PATJ: variants seen among roughly 807,000 people sequenced by gnomAD.
The protein encoded by PATJ is inaD-like protein.
Under a neutral mutation model 224.9 loss-of-function variants are expected in PATJ, and 190 were observed. The ratio of observed to expected loss-of-function variants is 0.84; its 90% CI spans 0.75 to 0.95. The LOEUF (loss-of-function observed/expected upper bound fraction) is 0.95, where lower values mean the gene tolerates loss of function less well. Ranked by LOEUF, PATJ falls within the 40% of genes least tolerant of loss-of-function variation. The probability of loss-of-function intolerance (pLI) is 0.00; values close to 1 mark genes in which losing one functional copy is unlikely to be tolerated. For missense variants in PATJ, 2,121 were observed against 2,270.3 expected, an observed-to-expected ratio of 0.93 and a Z score of 1.34; for synonymous variants, 769 against 820.3, an observed-to-expected ratio of 0.94 and a Z score of 1.07.
intron 27 of PATJ, among the ~76,000 whole-genome samples, chr1:61,960,917 A>G (rs945359300): frequency 1.3e-5 from 2 of 152,178 alleles, no homozygotes; most frequent in African/African-American, 4.8e-5. Context: ...TTAAAGATGG[A>G]AGGATTGGTA....
chr1:61,858,808 G>A (rs922203782), intron 18 of PATJ, among the ~76,000 whole-genome samples: 1 of 152,122 alleles, frequency 6.6e-6, no homozygotes, highest in Non-Finnish European at 1.5e-5. Flanking sequence ...ACCAAAAGGT[G>A]GTCTTCATGT....
At chr1:62,123,230 C>CACAGAGATG (rs1665293272) in intron 39 of PATJ, among the ~76,000 whole-genome samples, 172 bp downstream of exon 39, 1 of 152,050 alleles carries the variant, frequency 6.6e-6, no homozygotes, top group Non-Finnish European at 1.5e-5. Context: ...TACAGTAGAG[C>CACAGAGATG]ACAGAGATGA....
At chr1:61,820,214 A>G (rs1656969965) in intron 14 of PATJ, among the ~76,000 whole-genome samples, 2 of 150,976 alleles carry the variant, frequency 1.3e-5, no homozygotes, top group African/African-American at 4.9e-5. Flanking sequence ...GCTAATTTTT[A>G]TATTTTTAGT....
Position 61,979,717 on chromosome 1 carries a change from C to G in PATJ, c.3671-10451C>G, listed in dbSNP as rs528149887. ...CACATTTATTTAATATACACAGGAG[C>G]CTTCATAAGGAAATGAAGTCCCAAG... On this transcript the variant is annotated intron_variant, in intron 27 of 43. Coordinates refer to ENST00000642238, the MANE Select transcript of PATJ (RefSeq NM_001350145.3). 2.0e-5 allele frequency among the ~76,000 whole-genome samples: 3 copies of G among 151,454 alleles called. No homozygotes were observed. In the South Asian group the frequency reaches 6.3e-4, roughly 32 times the overall value.
At chr1:62,154,334 T>C (rs1466854179) in intron 43 of PATJ, among the ~76,000 whole-genome samples, 1 of 152,156 alleles carries the variant, frequency 6.6e-6, no homozygotes, top group African/African-American at 2.4e-5. Context: ...CATTTGTTTA[T>C]GAACAGATCT....
chr1:61,871,305 A>C (rs1168685532), intron 20 of PATJ, among the ~76,000 whole-genome samples: 21 of 146,682 alleles, frequency 1.4e-4, no homozygotes, highest in Non-Finnish European at 1.0e-4. Context: ...TCTGCCACCC[A>C]GGTTCAAGCG....
At chr1:61,745,528 C>A (rs1417181930) in intron 1 of PATJ, among the ~76,000 whole-genome samples, 3 of 149,736 alleles carry the variant, frequency 2.0e-5, no homozygotes, top group East Asian at 4.0e-4. Flanking sequence ...CCTGTCTTGG[C>A]CTCCCAAAGT....
At chr1:62,007,976 T>C (rs1380272720) in intron 28 of PATJ, among the ~76,000 whole-genome samples, 1 of 152,150 alleles carries the variant, frequency 6.6e-6, no homozygotes, top group African/African-American at 2.4e-5. Flanking sequence ...GTAGAATCTA[T>C]TGTAATGGTG....
chr1:62,071,139 T>G (rs1570441890), intron 31 of PATJ, among the ~76,000 whole-genome samples: 1 of 152,186 alleles, frequency 6.6e-6, no homozygotes, highest in Non-Finnish European at 1.5e-5. Flanking sequence ...TTAGTCTTAC[T>G]TACTCTAAAA....
intron 13 of PATJ, among the ~76,000 whole-genome samples, chr1:61,806,068 A>G (rs1245762480): frequency 6.6e-6 from 1 of 152,240 alleles, no homozygotes; most frequent in Non-Finnish European, 1.5e-5. Context: ...TTCACCTGCT[A>G]TTAGATTCAT....
At chr1:61,783,503 A>G (rs1254122657) in intron 7 of PATJ, among the ~76,000 whole-genome samples, 1 of 145,176 alleles carries the variant, frequency 6.9e-6, no homozygotes, top group African/African-American at 2.6e-5. Context: ...ATCCTAGCTC[A>G]CTGCAGCCTC....
intron 28 of PATJ, among the ~76,000 whole-genome samples, chr1:62,009,393 T>C (rs1238731348): frequency 1.3e-5 from 2 of 152,356 alleles, no homozygotes; most frequent in Non-Finnish European, 2.9e-5. Flanking sequence ...GCATTAGCAT[T>C]ATGTCTAAAC....
chr1:61,928,304 T>C (rs1339354402), intron 27 of PATJ, among the ~76,000 whole-genome samples: 1 of 152,238 alleles, frequency 6.6e-6, no homozygotes, highest in Non-Finnish European at 1.5e-5. Context: ...TTCATACATA[T>C]ATTTAACTGT....
chr1:61,949,225 GAAAA>G (rs956753788), intron 27 of PATJ, among the ~76,000 whole-genome samples: 11 of 147,934 alleles, frequency 7.4e-5, no homozygotes, highest in African/African-American at 2.5e-4. Flanking sequence ...TAAAAAAAAA[GAAAA>G]AAAAAGGAAG....
intron 4 of PATJ, among the ~76,000 whole-genome samples, chr1:61,768,172 A>G (rs1646394586): frequency 6.6e-6 from 1 of 152,012 alleles, no homozygotes; most frequent in African/African-American, 2.4e-5. Flanking sequence ...TTACCTAATA[A>G]ATAGAATATC....
chr1:61,956,660 T>G (rs1408004282), intron 27 of PATJ, among the ~76,000 whole-genome samples: 1 of 152,242 alleles, frequency 6.6e-6, no homozygotes, highest in African/African-American at 2.4e-5. Context: ...AACATGTTCA[T>G]AGTGATCATC....
At chr1:61,766,170 T>G in intron 3 of PATJ, 109 bp from the exon 4 acceptor site, 6 of 705,750 alleles carry the variant, frequency 8.5e-6, no homozygotes, top group Non-Finnish European at 1.1e-5. Flanking sequence ...TTCTTTTCCA[T>G]GTATATATTT....
intron 28 of PATJ, among the ~76,000 whole-genome samples, chr1:62,015,601 C>T (rs765735721): frequency 1.3e-5 from 2 of 152,072 alleles, no homozygotes; most frequent in African/African-American, 2.4e-5. Context: ...GGCGCAATCT[C>T]GGCTTGCTGT....
intron 14 of PATJ, among the ~76,000 whole-genome samples, chr1:61,812,716 G>A (rs1655125131): frequency 6.6e-6 from 1 of 152,002 alleles, no homozygotes; most frequent in Admixed American, 6.6e-5. Context: ...AGGCATGGTG[G>A]TGGGTGCCTG....
Sources: allele counts gnomAD v4.1 joint callset (sites outside exome capture counted in the v4.1 genomes callset), GRCh38; gene constraint gnomAD v4.1.1; transcripts MANE v1.5; gene names NCBI Gene and HGNC (gene_info 2026-07-23, HGNC 2026-07-21).